Variants in KIFBP observed in about 807,000 individuals in gnomAD.
KIFBP encodes kinesin family binding protein, also known as KIF-binding protein.
A neutral mutation model predicts 58.9 loss-of-function variants in KIFBP; 46 were observed. The observed-to-expected ratio is 0.78, with a 90% CI of 0.62 to 1.00. The LOEUF is 1.00. Among genes scored for constraint, KIFBP ranks in the 50% least tolerant of loss-of-function variants. The pLI is 0.00. For synonymous variants in KIFBP, 241 were observed against 283.4 expected (o/e 0.85, Z 1.50); for missense variants, 651 against 752.9 (o/e 0.86, Z 1.58).
chr10:69,005,221 A>G (rs911981850), intron 3 of KIFBP, 96 bp downstream of exon 3: 1 of 918,612 alleles, frequency 1.1e-6, no homozygotes, highest in Non-Finnish European at 1.8e-6. Flanking sequence ...TAGAATGTGG[A>G]TTCTGACAGG....
chr10:68,989,026 A>G lies in KIFBP; in HGVS notation c.194A>G (p.Asp65Gly). 6.2e-7 allele frequency: 1 copy of G among 1,613,806 alleles called. No homozygotes were observed. The highest frequency in any genetic ancestry group is 8.5e-7 in the Non-Finnish European group (1 of 1,179,824). The stretch of plus-strand genomic sequence containing the variant: ...GAGGATGAGCGGCCTGAGGCCGAGG[A>G]CGGCCCGGGTGCCGGTGACCACGCC... ...EDEDERPEAE[D>G]GPGAGDHALG... Residue 65 changes from aspartate (D) to glycine (G), a missense_variant, in exon 1 of 7, where the codon GAC (aspartate) becomes GGC (glycine). Transcript: ENST00000361983.
intron 1 of KIFBP, among the ~76,000 whole-genome samples, chr10:68,997,074 T>C (rs1217601940): frequency 1.3e-5 from 2 of 152,080 alleles, no homozygotes; most frequent in African/African-American, 2.4e-5. Flanking sequence ...ATATATCCAT[T>C]GTATATATAT....
chr10:69,006,093 G>A, intron 4 of KIFBP, 178 bp downstream of exon 4: 1 of 596,654 alleles, frequency 1.7e-6, no homozygotes, highest in East Asian at 2.8e-5. Context: ...GCTTTTTGTT[G>A]TATGAATTAT....
Position 68,989,051 on chromosome 10 carries a change from C to T in KIFBP, c.219C>T (p.Ala73=), listed in dbSNP as rs751053061. The part of the protein sequence containing the change: ...AEDGPGAGDH[A]LGLPAEVVEP... ...ACGGCCCGGGTGCCGGTGACCACGC[C>T]CTGGGGCTGCCGGCTGAGGTGGTGG... The change falls in exon 1 of 7, where the codon GCC becomes GCT. Residue 73 remains alanine, a synonymous_variant. Transcript: ENST00000361983. 20 of 1,612,766 alleles carry T rather than the reference C, an allele frequency of 1.2e-5. No individual in the cohort carries two copies. The highest frequency in any genetic ancestry group is 4.0e-5 in the African/African-American group (3 of 74,920).
chr10:69,005,245 T>C (rs1402803227), intron 3 of KIFBP, 120 bp downstream of exon 3: 10 of 743,462 alleles, frequency 1.3e-5, no homozygotes, highest in Non-Finnish European at 2.4e-5. Flanking sequence ...AAAACCTCCA[T>C]TTACCACTTA....
At chr10:69,010,108 T>A (rs1264214155) in intron 5 of KIFBP, among the ~76,000 whole-genome samples, 1 of 152,200 alleles carries the variant, frequency 6.6e-6, no homozygotes, top group Non-Finnish European at 1.5e-5. Flanking sequence ...TAAAGTAATA[T>A]CGTGAGATAT....
chr10:68,988,811 A>C lies in KIFBP; in HGVS notation c.-22A>C. The C allele has an allele frequency of 1.9e-6, 3 of 1,614,270 alleles. No homozygotes were observed. Among genetic ancestry groups the C allele is most frequent in the Non-Finnish European group, 2.5e-6 (3 of 1,180,048 alleles). On this transcript the variant is annotated 5_prime_UTR_variant, in exon 1 of 7. Transcript: ENST00000361983. ...GAGTCCCGACTGCAAACATTGAGGA[A>C]AGCCAGGCAGTAGAGGCCGCTATGG... is the stretch of plus-strand genomic sequence containing the variant.
chr10:68,994,963 C>G (rs540063017), intron 1 of KIFBP, among the ~76,000 whole-genome samples: 4 of 151,894 alleles, frequency 2.6e-5, no homozygotes, highest in South Asian at 4.2e-4. Flanking sequence ...GCCTCAAACT[C>G]CTGGGATCAT....
rs771612996 is a variant in KIFBP, at chr10:69,016,122, G to T, written c.1572G>T (p.Leu524=). The T allele has an allele frequency of 6.2e-7, 1 of 1,614,150 alleles. No individual in the cohort carries two copies. The highest frequency in any genetic ancestry group is 1.1e-5 in the South Asian group (1 of 91,078). Residue 524 remains leucine (L), a synonymous_variant, in exon 7 of 7, where the codon CTG becomes CTT. Transcript: ENST00000361983. The part of the protein sequence containing the change: ...LKYYQLFLDS[L]RDPNKVFPEH... ...ACTACCAGCTCTTCTTAGACTCCCT[G>T]AGAGACCCAAATAAAGTATTCCCTG...
chr10:69,008,389 A>ATATATATATATAT (rs1434053871), intron 4 of KIFBP, among the ~76,000 whole-genome samples: 12 of 56,570 alleles, frequency 2.1e-4, no homozygotes, highest in African/African-American at 6.9e-4. Context: ...AAAAAAAAAA[A>ATATATATATATAT]AAATATATAT....
At chr10:69,000,790 A>G (rs1329433085) in intron 2 of KIFBP, among the ~76,000 whole-genome samples, 1 of 152,248 alleles carries the variant, frequency 6.6e-6, no homozygotes, top group African/African-American at 2.4e-5. Context: ...ATCCTAAAAT[A>G]CTATTTGCAT....
rs761310113 is a variant in KIFBP at position 69,015,959 on chromosome 10, A to G, written c.1409A>G (p.Asn470Ser). 5.0e-6 allele frequency: 8 copies of G among 1,614,104 alleles called. No individual in the cohort carries two copies. The Admixed American group carries it at 1.2e-4, about 24-fold the overall frequency. Residue 470 changes from asparagine to serine, a missense_variant, in exon 7 of 7, where the codon AAC becomes AGC. Physicochemically the swap from Asn to Ser is conservative, Grantham distance 46 (BLOSUM62 1). Coordinates refer to ENST00000361983, the MANE Select transcript of KIFBP (RefSeq NM_015634.4). ...DLNPQYYLLVNRQIQFEIAHA... is the reference protein window; with the variant it reads ...DLNPQYYLLVSRQIQFEIAHA... ...AATCCACAGTATTATCTGTTGGTCA[A>G]CAGACAGATCCAGTTTGAAATTGCA...
chr10:69,008,391 A>ATATATATATATATATATATATATAT (rs1554843385), intron 4 of KIFBP, among the ~76,000 whole-genome samples: 4 of 71,594 alleles, frequency 5.6e-5, no homozygotes, highest in African/African-American at 2.3e-4. Flanking sequence ...AAAAAAAAAA[A>ATATATATATATATATATATATATAT]ATATATATAT....
At chr10:69,012,281 T>TA (rs1178005817) in intron 6 of KIFBP, among the ~76,000 whole-genome samples, 1 of 152,174 alleles carries the variant, frequency 6.6e-6, no homozygotes, top group African/African-American at 2.4e-5. Context: ...TTATGGGAGT[T>TA]AAGTCAGTAT....
At chr10:68,994,151 A>G (rs532131139) in intron 1 of KIFBP, among the ~76,000 whole-genome samples, 105 of 151,892 alleles carry the variant, frequency 6.9e-4, no homozygotes, top group Non-Finnish European at 1.2e-3. Flanking sequence ...GTGTCACTGC[A>G]CTCCAGCCTG....
intron 4 of KIFBP, chr10:69,006,122 G>A (rs1269391722): frequency 1.6e-5 from 9 of 574,178 alleles, no homozygotes; most frequent in South Asian, 6.5e-5. Flanking sequence ...TTAAAATACC[G>A]AGTTTTATCA....
intron 1 of KIFBP, among the ~76,000 whole-genome samples, chr10:68,994,132 G>A (rs537606172): frequency 1.3e-5 from 2 of 152,052 alleles, no homozygotes; most frequent in South Asian, 4.1e-4. Context: ...GCTGCAGTAA[G>A]CTAAGATGGT....
chr10:69,006,177 C>T (rs1160144770), intron 4 of KIFBP, among the ~76,000 whole-genome samples: 1 of 152,140 alleles, frequency 6.6e-6, no homozygotes, highest in East Asian at 1.9e-4. Flanking sequence ...TTAACATAGG[C>T]ACGCTATCTC....
rs534010735 is a variant in KIFBP at position 68,993,599 on chromosome 10, CT to C, written c.426+4353del. On this transcript the variant is annotated intron_variant, in intron 1 of 6. Coordinates refer to ENST00000361983, the MANE Select transcript of KIFBP (RefSeq NM_015634.4). ...GTTAGAATGCGTAGGTTAAACAAAG[CT>C]TTTTTTTTTTTAAATTTAATTTAAT... Among the ~76,000 whole-genome samples, 133 of 144,916 alleles carry C rather than the reference CT, an allele frequency of 9.2e-4. 1 individual carries two copies. The highest frequency in any genetic ancestry group is 1.1e-3 in the Non-Finnish European group (73 of 65,456).
Sources: gnomAD v4.1 joint callset for allele counts (sites outside exome capture counted in the v4.1 genomes callset) on GRCh38, gnomAD v4.1.1 for gene constraint, MANE v1.5 for transcripts, NCBI Gene and HGNC (gene_info 2026-07-23, HGNC 2026-07-21) for gene names.